The following CCDC171 variants were observed in gnomAD, a reference collection of about 807,000 sequenced individuals.
CCDC171 encodes the protein coiled-coil domain containing 171, also known as coiled-coil domain-containing protein 171.
In CCDC171, 177 loss-of-function variants were observed where a neutral mutation model predicts 168.2. The observed-to-expected ratio is 1.05, with a 90% CI of 0.93 to 1.19. The LOEUF (loss-of-function observed/expected upper bound fraction) is 1.19. Among genes scored for constraint, CCDC171 ranks in the 50% most tolerant of loss-of-function variants. CCDC171 has a pLI of 0.00. For missense variants in CCDC171, 1,991 were observed against 1,539.0 expected (o/e 1.29, Z -4.91); for synonymous variants, 687 against 540.8 (o/e 1.27, Z -3.75).
chr9:15,592,156 G>GAAA (rs34449158), intron 5 of CCDC171, among the ~76,000 whole-genome samples: 4 of 140,770 alleles, frequency 2.8e-5, no homozygotes, highest in African/African-American at 7.6e-5. Flanking sequence ...CAGTTTAAAT[G>GAAA]AAAAAAAAAA....
intron 24 of CCDC171, among the ~76,000 whole-genome samples, chr9:15,896,376 A>T (rs186833230): frequency 6.4e-4 from 98 of 152,054 alleles, no homozygotes; most frequent in African/African-American, 2.2e-3. Flanking sequence ...TTCCCATGAG[A>T]CTCCTTCTCA....
chr9:15,666,028 C>A, intron 8 of CCDC171, 135 bp from the exon 9 acceptor site: 1 of 699,054 alleles, frequency 1.4e-6, no homozygotes, highest in South Asian at 2.2e-5. Flanking sequence ...ATTTATTTTT[C>A]TTTTTTAAGC....
At chr9:15,707,562 C>T (rs895783130) in intron 11 of CCDC171, among the ~76,000 whole-genome samples, 2 of 152,152 alleles carry the variant, frequency 1.3e-5, no homozygotes, top group African/African-American at 4.8e-5. Context: ...GGATTTTCTG[C>T]CTTCTTTTTA....
At chr9:15,725,114 C>T in intron 14 of CCDC171, 138 bp downstream of exon 14, 1 of 636,930 alleles carries the variant, frequency 1.6e-6, no homozygotes, top group African/African-American at 1.8e-5. Flanking sequence ...GTGACAGCTA[C>T]AAAATCACTC....
chr9:16,070,816 C>T, the CCDC171 span, among the ~76,000 whole-genome samples: 1 of 152,202 alleles, frequency 6.6e-6, no homozygotes. Flanking sequence ...CCTCTCTGAC[C>T]GCACTCATTC....
chr9:15,975,086 C>A (rs996846359), downstream of CCDC171, among the ~76,000 whole-genome samples: 5 of 152,038 alleles, frequency 3.3e-5, no homozygotes, highest in Non-Finnish European at 5.9e-5. Context: ...TTTTTATAGA[C>A]AAGTTTTCTA....
At chr9:15,966,441 T>C (rs530250512) in intron 25 of CCDC171, among the ~76,000 whole-genome samples, 27 of 152,294 alleles carry the variant, frequency 1.8e-4, no homozygotes, top group African/African-American at 5.3e-4. Context: ...GGCATAGGTA[T>C]AGGGAAGCAT....
In CCDC171 at chr9:15,819,344, T is replaced by C. The variant is rs554726352; in HGVS notation, c.3268-27358T>C. On this transcript the variant is annotated intron_variant, in intron 21 of 25. Transcript: ENST00000380701. Reference sequence around the variant, plus strand: ...ACAGGATCAGATTCACACATAACAATATTAACCTTAAATGTAAATGGGCTA... The same window carrying C: ...ACAGGATCAGATTCACACATAACAACATTAACCTTAAATGTAAATGGGCTA... Among the ~76,000 whole-genome samples the C allele has an allele frequency of 1.6e-4, 19 of 117,110 alleles. 3 individuals are homozygous for C. Among genetic ancestry groups the C allele is most frequent in the Admixed American group, 1.2e-3 (15 of 12,466 alleles). 76.8% of individuals were successfully genotyped at this position (117,110 alleles called of 152,430 possible).
At chr9:15,923,359 G>A (rs938354900) in intron 25 of CCDC171, among the ~76,000 whole-genome samples, 3 of 151,210 alleles carry the variant, frequency 2.0e-5, no homozygotes, top group African/African-American at 7.3e-5. Context: ...CGACAACATG[G>A]ATGAATCTGT....
chr9:15,930,626 T>C (rs1826397328), intron 25 of CCDC171, among the ~76,000 whole-genome samples: 1 of 151,648 alleles, frequency 6.6e-6, no homozygotes, highest in Admixed American at 6.6e-5. Context: ...AAATGAACTC[T>C]ACTTAGGCCT....
intron 6 of CCDC171, among the ~76,000 whole-genome samples, chr9:16,024,244 A>G (rs1833232101): frequency 6.6e-6 from 1 of 152,304 alleles, no homozygotes; most frequent in South Asian, 2.1e-4. Context: ...TTTTAAATTT[A>G]CCATAGTAAA....
At chr9:15,869,520 T>TG (rs1554658911) in intron 23 of CCDC171, among the ~76,000 whole-genome samples, 41 of 151,274 alleles carry the variant, frequency 2.7e-4, no homozygotes, top group East Asian at 2.5e-3. Context: ...AGTGTTTTTT[T>TG]TTTGTTTGTT....
At chr9:15,912,374 C>G (rs1378779359) in intron 24 of CCDC171, among the ~76,000 whole-genome samples, 3 of 152,104 alleles carry the variant, frequency 2.0e-5, no homozygotes, top group Non-Finnish European at 4.4e-5. Flanking sequence ...TATAGGAATT[C>G]TTGTGATTTT....
rs756853395 is a variant in CCDC171, at chr9:15,660,737, C to G, written c.915+3518C>G. ...CAATCCATCATTGATTGATGAGCAC[C>G]TGTGTTGATTCCATGTCTTTGCTAT... On this transcript the variant is annotated intron_variant, in intron 8 of 25. Transcript: ENST00000380701. 1.1e-4 allele frequency among the ~76,000 whole-genome samples: 16 copies of G among 152,256 alleles called. No homozygotes were observed. In the South Asian group the frequency reaches 1.4e-3, roughly 14 times the overall value.
At chr9:15,926,292 G>T (rs904988214) in intron 25 of CCDC171, among the ~76,000 whole-genome samples, 11 of 151,586 alleles carry the variant, frequency 7.3e-5, no homozygotes, top group Non-Finnish European at 1.3e-4. Context: ...AATAGGAAAT[G>T]TATTGTTATT....
chr9:15,983,480 TTGTGTGTGTGTG>T (rs56910418), intron 3 of CCDC171, among the ~76,000 whole-genome samples: 10 of 144,002 alleles, frequency 6.9e-5, no homozygotes, highest in East Asian at 4.3e-4. Flanking sequence ...TTGTGATCAG[TTGTGTGTGTGTG>T]TGTGTGTGTG....
chr9:15,892,182 A>G (rs527786460), intron 24 of CCDC171, among the ~76,000 whole-genome samples: 1 of 152,292 alleles, frequency 6.6e-6, no homozygotes, highest in East Asian at 1.9e-4. Flanking sequence ...TTCTATTTGA[A>G]TAGCCTTTAT....
intron 10 of CCDC171, among the ~76,000 whole-genome samples, chr9:15,688,228 C>G (rs531991706): frequency 6.6e-6 from 1 of 151,344 alleles, no homozygotes; most frequent in Non-Finnish European, 1.5e-5. Flanking sequence ...AATTAGTAAT[C>G]AAAAAAACTC....
chr9:15,664,638 G>T (rs192854430), intron 8 of CCDC171, among the ~76,000 whole-genome samples: 1 of 144,602 alleles, frequency 6.9e-6, no homozygotes, highest in Non-Finnish European at 1.5e-5. Flanking sequence ...TAATTATTTT[G>T]TTGGAATCTC....
Sources: allele counts gnomAD v4.1 joint callset (sites outside exome capture counted in the v4.1 genomes callset), GRCh38; gene constraint gnomAD v4.1.1; transcripts MANE v1.5; gene names NCBI Gene and HGNC (gene_info 2026-07-23, HGNC 2026-07-21).